The following LEKR1 variants were observed in gnomAD, a reference collection of about 807,000 sequenced individuals.
The protein encoded by LEKR1 is protein LEKR1.
Under a neutral mutation model 72.4 loss-of-function variants are expected in LEKR1, and 59 were observed. The observed-to-expected ratio is 0.82, with a 90% CI of 0.66 to 1.01. The LOEUF (loss-of-function observed/expected upper bound fraction) is 1.01, where lower values mean the gene tolerates loss of function less well. LEKR1 is among the 50% of genes least tolerant of loss of function. The pLI is 0.00. For missense variants in LEKR1, 728 were observed against 759.2 expected (o/e 0.96, Z 0.48); for synonymous variants, 257 against 263.2 (o/e 0.98, Z 0.23).
chr3:156,826,860 G>T (rs199568219), intron 1 of LEKR1: 197 of 155,620 alleles, frequency 1.3e-3, no homozygotes, highest in Middle Eastern at 3.1e-3. Flanking sequence ...GGTTCTTTAC[G>T]TAAGGGCTTG....
At chr3:156,916,717 T>C (rs996752192) in intron 3 of LEKR1, among the ~76,000 whole-genome samples, 4 of 152,170 alleles carry the variant, frequency 2.6e-5, no homozygotes, top group Admixed American at 6.6e-5. Context: ...ATAGTTTGAC[T>C]TCCTCTCTTC....
Position 156,956,504 on chromosome 3 carries a change from C to G in LEKR1, c.745+13790C>G, listed in dbSNP as rs149258438. On this transcript the variant is annotated intron_variant, in intron 6 of 12. Coordinates refer to ENST00000356539, the MANE Select transcript of LEKR1 (RefSeq NM_001004316.3). ...TAGAATCAGATATTAATGTAAGCAT[C>G]ATTAACAATGGGGAAAAAGCAAAAT... Among the ~76,000 whole-genome samples the G allele has an allele frequency of 2.2e-3, 328 of 151,978 alleles. 1 individual carries two copies. The highest frequency in any genetic ancestry group is 7.5e-3 in the African/African-American group (311 of 41,482).
chr3:157,045,753 CA>C lies in LEKR1; in HGVS notation c.*7del, dbSNP rs776145100. ...GGAGAAGGCGGAGTCAGCAATGATCCAAAATGAGGAGCAGGAAGCTCCCTAC... is the reference window on the plus strand; with the variant it reads ...GGAGAAGGCGGAGTCAGCAATGATCCAAATGAGGAGCAGGAAGCTCCCTAC... On this transcript the variant is annotated 3_prime_UTR_variant, in exon 13 of 13. Coordinates refer to ENST00000356539, the MANE Select transcript of LEKR1 (RefSeq NM_001004316.3). The C allele has an allele frequency of 6.2e-6, 10 of 1,605,148 alleles. No homozygotes were observed. The highest frequency in any genetic ancestry group is 8.5e-6 in the Non-Finnish European group (10 of 1,179,392).
intron 3 of LEKR1, among the ~76,000 whole-genome samples, chr3:156,868,506 C>G (rs1717558848): frequency 6.6e-6 from 1 of 151,900 alleles, no homozygotes; most frequent in Non-Finnish European, 1.5e-5. Flanking sequence ...AGCAAAGAAA[C>G]AGGTAGAGGA....
intron 2 of LEKR1, among the ~76,000 whole-genome samples, chr3:156,830,759 T>C (rs1454679273): frequency 6.6e-6 from 1 of 152,044 alleles, no homozygotes; most frequent in African/African-American, 2.4e-5. Flanking sequence ...TATGGCAACT[T>C]AAAAGGTGAA....
At chr3:156,843,310 T>C (rs893345042) in intron 2 of LEKR1, among the ~76,000 whole-genome samples, 1 of 152,174 alleles carries the variant, frequency 6.6e-6, no homozygotes, top group African/African-American at 2.4e-5. Flanking sequence ...TGTTTTTGCT[T>C]GGGGACATAT....
intron 4 of LEKR1, among the ~76,000 whole-genome samples, chr3:156,922,905 A>C (rs553264614): frequency 6.6e-6 from 1 of 152,302 alleles, no homozygotes; most frequent in East Asian, 1.9e-4. Flanking sequence ...TTTATAAATT[A>C]TTTGAAATAA....
intron 4 of LEKR1, among the ~76,000 whole-genome samples, chr3:156,923,362 G>A (rs1054740774): frequency 2.6e-5 from 4 of 152,048 alleles, no homozygotes; most frequent in African/African-American, 9.7e-5. Context: ...AGCTCACCAG[G>A]CAACTAACAT....
chr3:156,909,669 A>G (rs75068303), intron 3 of LEKR1, among the ~76,000 whole-genome samples: 14 of 145,928 alleles, frequency 9.6e-5, no homozygotes, highest in African/African-American at 1.3e-4. Flanking sequence ...AAAAAAAAAA[A>G]AAAGAAATCT....
At chr3:156,995,367 A>G (rs1277953956) in intron 9 of LEKR1, among the ~76,000 whole-genome samples, 1 of 152,200 alleles carries the variant, frequency 6.6e-6, no homozygotes, top group Non-Finnish European at 1.5e-5. Flanking sequence ...CAGCTTTCAG[A>G]GAATAGTGAC....
rs1386428427 is a variant in LEKR1, at chr3:157,045,326, C to T, written c.1669-14C>T. 3 of 1,595,654 alleles carry T rather than the reference C, an allele frequency of 1.9e-6. No individual in the cohort carries two copies. The highest frequency in any genetic ancestry group is 2.6e-6 in the Non-Finnish European group (3 of 1,169,336). ...AAAGCTAAGTCTGCTTTCTTTTCCC[C>T]TCTCTCTTTTCAGAATACTTTTCTT... On this transcript the variant is annotated splice_polypyrimidine_tract_variant and intron_variant, in intron 12 of 12. Coordinates refer to ENST00000356539, the MANE Select transcript of LEKR1 (RefSeq NM_001004316.3).
At chr3:156,957,468 A>G (rs1050257875) in intron 6 of LEKR1, among the ~76,000 whole-genome samples, 1 of 147,302 alleles carries the variant, frequency 6.8e-6, no homozygotes, top group African/African-American at 2.7e-5. Flanking sequence ...AACTATCTTC[A>G]AAAAAGAAAA....
rs117780200 is a variant in LEKR1 at position 156,958,887 on chromosome 3, T to A, written c.745+16173T>A. Among the ~76,000 whole-genome samples the A allele has an allele frequency of 1.5e-3, 229 of 152,260 alleles. 2 individuals are homozygous for A. The East Asian group carries it at 0.019, about 13-fold the overall frequency. The stretch of plus-strand genomic sequence containing the variant: ...TAAATTTCTCTAGTTCCAATTATGT[T>A]CCCATTCAAATCGTTTTGTTTGGCT... On this transcript the variant is annotated intron_variant, in intron 6 of 12. Coordinates refer to ENST00000356539, the MANE Select transcript of LEKR1 (RefSeq NM_001004316.3).
chr3:156,834,840 A>G lies in LEKR1; in HGVS notation c.48+5463A>G, dbSNP rs953889113. On this transcript the variant is annotated intron_variant, in intron 2 of 12. Transcript: ENST00000356539. The stretch of plus-strand genomic sequence containing the variant: ...CTGTAGACCAAATGTCTAAATTTTG[A>G]AGATGTTTTTATTTTACCAATAATC... 6.6e-5 allele frequency among the ~76,000 whole-genome samples: 10 copies of G among 152,332 alleles called. No homozygotes were observed. The East Asian group carries it at 1.7e-3, about 26-fold the overall frequency.
intron 5 of LEKR1, among the ~76,000 whole-genome samples, chr3:156,933,245 C>T (rs1725409643): frequency 6.6e-6 from 1 of 152,108 alleles, no homozygotes; most frequent in Non-Finnish European, 1.5e-5. Flanking sequence ...ATATATTATG[C>T]ATCATTTCCA....
intron 6 of LEKR1, among the ~76,000 whole-genome samples, chr3:156,972,139 C>T (rs1257833825): frequency 6.6e-6 from 1 of 152,106 alleles, no homozygotes; most frequent in Non-Finnish European, 1.5e-5. Flanking sequence ...GGCACATATA[C>T]ACCATGGAAT....
At chr3:156,977,445 A>G in intron 6 of LEKR1, 1 of 501,240 alleles carries the variant, frequency 2.0e-6, no homozygotes, top group South Asian at 1.5e-5. Context: ...CCCCCCCTTA[A>G]TGAACTCAGT....
At chr3:156,978,176 T>C (rs1729869755) in intron 6 of LEKR1, among the ~76,000 whole-genome samples, 1 of 152,320 alleles carries the variant, frequency 6.6e-6, no homozygotes, top group Admixed American at 6.5e-5. Context: ...TATACAAATG[T>C]CTGGTAAATG....
intron 10 of LEKR1, among the ~76,000 whole-genome samples, chr3:157,018,727 T>C (rs1442561778): frequency 6.6e-6 from 1 of 152,202 alleles, no homozygotes; most frequent in Non-Finnish European, 1.5e-5. Context: ...TGAAGTTACT[T>C]ACTTCTCTGA....
Sources: allele counts gnomAD v4.1 joint callset (sites outside exome capture counted in the v4.1 genomes callset), GRCh38; gene constraint gnomAD v4.1.1; transcripts MANE v1.5; gene names NCBI Gene and HGNC (gene_info 2026-07-23, HGNC 2026-07-21).